Variants in IFT88 observed in about 807,000 individuals in gnomAD.
IFT88 encodes the protein intraflagellar transport protein 88 homolog.
In IFT88, 74 loss-of-function variants were observed where a neutral mutation model predicts 119.5. That is an observed-to-expected ratio of 0.62 (90% confidence interval 0.51 to 0.75). The LOEUF (loss-of-function observed/expected upper bound fraction) is 0.75, where lower values mean the gene tolerates loss of function less well. IFT88 is among the 30% of genes least tolerant of loss of function. The pLI, the probability that IFT88 is intolerant of heterozygous loss-of-function variation, is 0.00. For missense variants in IFT88, 961 were observed against 977.7 expected (o/e 0.98, Z 0.23); for synonymous variants, 279 against 316.7 (o/e 0.88, Z 1.26).
chr13:20,691,123 A>C lies in IFT88; in HGVS notation c.2423A>C (p.Asp808Ala), dbSNP rs141704239. Residue 808 changes from aspartate (D) to alanine (A), a missense_variant, in exon 26 of 26, where the codon GAT (aspartate) becomes GCT (alanine). Transcript: ENST00000351808. ...RPKTAAKKRI[D>A]EDDFADEELG... The stretch of plus-strand genomic sequence containing the variant: ...AAAACTGCAGCCAAGAAAAGGATCG[A>C]TGAGGATGATTTTGCTGATGAAGAA... 47 of 1,614,004 alleles carry C rather than the reference A, an allele frequency of 2.9e-5. No homozygotes were observed. The African/African-American group carries it at 5.9e-4, about 20-fold the overall frequency.
chr13:20,596,343 A>G (rs1486540436), intron 8 of IFT88, 103 bp downstream of exon 8: 1 of 402,698 alleles, frequency 2.5e-6, no homozygotes, highest in East Asian at 4.0e-5. Flanking sequence ...TTTGCCGTTG[A>G]CTGGTCTTAG....
chr13:20,568,660 C>G (rs774480497), intron 1 of IFT88, among the ~76,000 whole-genome samples: 2 of 152,240 alleles, frequency 1.3e-5, no homozygotes, highest in Non-Finnish European at 2.9e-5. Flanking sequence ...TTAGTATTAT[C>G]TGAGCTAAAG....
At chr13:20,579,760 C>A (rs1207260621) in intron 2 of IFT88, among the ~76,000 whole-genome samples, 1 of 152,202 alleles carries the variant, frequency 6.6e-6, no homozygotes, top group Non-Finnish European at 1.5e-5. Flanking sequence ...TGTGCTGGGT[C>A]ACACCTGAAA....
chr13:20,687,022 C>CAAAAA (rs370247448), intron 24 of IFT88, among the ~76,000 whole-genome samples: 1 of 59,802 alleles, frequency 1.7e-5, no homozygotes, highest in Non-Finnish European at 3.6e-5. Context: ...ACTTTCTTAC[C>CAAAAA]AAAAAAAAAA....
At chr13:20,647,223 A>G (rs1269792883) in intron 20 of IFT88, among the ~76,000 whole-genome samples, 3 of 152,174 alleles carry the variant, frequency 2.0e-5, no homozygotes, top group Admixed American at 2.0e-4. Context: ...AACTTATTCA[A>G]TATACATTCA....
intron 13 of IFT88, among the ~76,000 whole-genome samples, chr13:20,611,912 C>G (rs1158646859): frequency 6.6e-6 from 1 of 152,296 alleles, no homozygotes; most frequent in East Asian, 1.9e-4. Context: ...GGCCCACTTT[C>G]ACCAGTTCTG....
intron 14 of IFT88, among the ~76,000 whole-genome samples, chr13:20,616,908 T>A (rs1295485226): frequency 6.6e-6 from 1 of 152,036 alleles, no homozygotes; most frequent in African/African-American, 2.4e-5. Context: ...GTCTATGTGG[T>A]TGGTCCTGGA....
intron 19 of IFT88, 52 bp downstream of exon 19, chr13:20,643,657 T>C (rs757158465): frequency 1.5e-6 from 2 of 1,299,224 alleles, no homozygotes; most frequent in Non-Finnish European, 2.1e-6. Context: ...TATGAATTGT[T>C]ATAAAGAAGG....
At chr13:20,636,802 A>T (rs2049080708) in intron 16 of IFT88, among the ~76,000 whole-genome samples, 1 of 152,198 alleles carries the variant, frequency 6.6e-6, no homozygotes. Flanking sequence ...TGTCGGTACC[A>T]ATTTTTGTTT....
chr13:20,628,200 C>CT (rs1055820579), intron 15 of IFT88, among the ~76,000 whole-genome samples: 27 of 148,444 alleles, frequency 1.8e-4, no homozygotes, highest in South Asian at 2.1e-4. Flanking sequence ...GCTCTAAATA[C>CT]TTTTTTTTTT....
In IFT88 at chr13:20,615,864, C is replaced by T. The variant is rs2045523781; in HGVS notation, c.1184C>T (p.Ala395Val). The change falls in exon 14 of 26, where the codon GCT becomes GTT. Residue 395 changes from alanine to valine, a missense_variant. Transcript: ENST00000351808. ...LIAPVIETSF[A>V]AGYDWCVEVV... Reference sequence around the variant, plus strand: ...GCTCCTGTAATTGAAACATCTTTTGCTGCAGGTTATGATTGGTAAGAGAGA... The same window carrying T: ...GCTCCTGTAATTGAAACATCTTTTGTTGCAGGTTATGATTGGTAAGAGAGA... The T allele has an allele frequency of 6.2e-7, 1 of 1,604,342 alleles. No homozygotes were observed. Among genetic ancestry groups the T allele is most frequent in the Non-Finnish European group, 8.5e-7 (1 of 1,174,152 alleles).
rs755978996 is a variant in IFT88, at chr13:20,592,401, A to T, written c.395A>T (p.Asp132Val). 3 of 1,607,516 alleles carry T rather than the reference A, an allele frequency of 1.9e-6. No homozygotes were observed. Among genetic ancestry groups the T allele is most frequent in the East Asian group, 4.5e-5 (2 of 44,800 alleles). ...TCCCCTTTGGAAGCCAAGAAAAAAG[A>T]TAGGTATGTAAGTCCTTATGTTGTT... ...PASPLEAKKK[D>V]SPEEKIKQLE... is the part of the protein sequence containing the mutation. The change falls in exon 7 of 26, where the codon GAT becomes GTT. Residue 132 changes from aspartate to valine, a missense_variant. Physicochemically the swap from Asp to Val is radical, Grantham distance 152. Coordinates refer to ENST00000351808, the MANE Select transcript of IFT88 (RefSeq NM_006531.5).
At chr13:20,641,097 T>C (rs930103623) in intron 17 of IFT88, among the ~76,000 whole-genome samples, 193 bp from the exon 18 acceptor site, 2 of 152,008 alleles carry the variant, frequency 1.3e-5, no homozygotes, top group Admixed American at 6.6e-5. Context: ...CTGTGAGCCA[T>C]GTTTGTGCCA....
Position 20,690,561 on chromosome 13 carries a change from C to G in IFT88, c.2243-144C>G, listed in dbSNP as rs1242955745. 21 of 551,542 alleles carry G rather than the reference C, an allele frequency of 3.8e-5. No homozygotes were observed. In the Middle Eastern group the frequency reaches 1.9e-3, roughly 50 times the overall value. 34.2% of individuals were successfully genotyped at this position (551,542 alleles called of 1,614,324 possible). A position where few individuals can be genotyped will look rare whatever the true frequency, so the allele number is the denominator to read the frequency against. On this transcript the variant is annotated intron_variant, in intron 24 of 25. Transcript: ENST00000351808. The stretch of plus-strand genomic sequence containing the variant: ...GATATTTCTTTTAAATTTCAGAAAA[C>G]AAGAATTATATCCCTAAGAAGCTGG...
chr13:20,568,060 C>T lies in IFT88; in HGVS notation c.-7+804C>T, dbSNP rs1593564002. On this transcript the variant is annotated intron_variant, in intron 1 of 25. Coordinates refer to ENST00000351808, the MANE Select transcript of IFT88 (RefSeq NM_006531.5). Reference sequence around the variant, plus strand: ...TCTCATAATGCTTCCAGAAAGTTTACGAATTTGTGTTGGGCCACATTCAAA... The same window carrying T: ...TCTCATAATGCTTCCAGAAAGTTTATGAATTTGTGTTGGGCCACATTCAAA... 1.6e-5 allele frequency: 11 copies of T among 708,036 alleles called. No individual in the cohort carries two copies. In the East Asian group the frequency reaches 2.4e-4, roughly 16 times the overall value. The allele number at this position is 708,036 out of a possible 1,614,324, so 43.9% of individuals were successfully genotyped here.
intron 20 of IFT88, among the ~76,000 whole-genome samples, chr13:20,648,729 C>A (rs2051128495): frequency 1.3e-5 from 2 of 151,942 alleles, no homozygotes; most frequent in South Asian, 4.1e-4. Flanking sequence ...AAAAACTTAG[C>A]AGATTGAATA....
chr13:20,605,256 T>A (rs574550220), intron 13 of IFT88, 151 bp downstream of exon 13: 1 of 423,560 alleles, frequency 2.4e-6, no homozygotes, highest in African/African-American at 2.1e-5. Flanking sequence ...CTTACAGAAC[T>A]TGTTATATTC....
chr13:20,676,923 G>C (rs997088165), intron 24 of IFT88, among the ~76,000 whole-genome samples: 1 of 151,602 alleles, frequency 6.6e-6, no homozygotes, highest in East Asian at 1.9e-4. Flanking sequence ...TTATATATAC[G>C]TGTGTGCTCA....
intron 24 of IFT88, among the ~76,000 whole-genome samples, chr13:20,688,779 T>C (rs1172142611): frequency 6.6e-6 from 1 of 152,076 alleles, no homozygotes; most frequent in Non-Finnish European, 1.5e-5. Context: ...CCAGGCTGAG[T>C]GCAGTGGTGC....
Sources: allele counts gnomAD v4.1 joint callset (sites outside exome capture counted in the v4.1 genomes callset), GRCh38; gene constraint gnomAD v4.1.1; transcripts MANE v1.5; gene names NCBI Gene and HGNC (gene_info 2026-07-23, HGNC 2026-07-21).